ECM2: variants seen among roughly 807,000 people sequenced by gnomAD.
ECM2 encodes the protein extracellular matrix protein 2, also known as extracellular matrix protein 2, female organ and adipocyte specific.
Under a neutral mutation model 67.5 loss-of-function variants are expected in ECM2, and 57 were observed. The observed-to-expected ratio is 0.84, with a 90% confidence interval of 0.68 to 1.05. The LOEUF is 1.05. ECM2 is among the 50% of genes least tolerant of loss of function. The pLI is 0.00. For missense variants in ECM2, 741 were observed against 822.8 expected (o/e 0.90, Z 1.22); for synonymous variants, 258 against 294.5 (o/e 0.88, Z 1.27).
upstream of ECM2, among the ~76,000 whole-genome samples, chr9:92,537,237 T>C (rs1420141897): frequency 6.6e-6 from 1 of 152,150 alleles, no homozygotes; most frequent in Admixed American, 6.5e-5. Flanking sequence ...GCTAAATATT[T>C]GTTTAAATGA....
downstream of ECM2, chr9:92,494,236 A>C: frequency 7.1e-7 from 1 of 1,417,150 alleles, no homozygotes; most frequent in Non-Finnish European, 9.7e-7. Context: ...CTGCTGACTC[A>C]CCTTATTCAG....
upstream of ECM2, chr9:92,536,211 G>C (rs1849154910): frequency 2.9e-6 from 1 of 346,490 alleles, no homozygotes; most frequent in African/African-American, 2.3e-5. Context: ...AACAGCAGTG[G>C]GTGTGGGGGA....
chr9:92,520,602 C>G (rs888674614), intron 2 of ECM2, among the ~76,000 whole-genome samples: 2 of 152,142 alleles, frequency 1.3e-5, no homozygotes, highest in Non-Finnish European at 2.9e-5. Context: ...CAGTTCCCCT[C>G]CTAAGTATAT....
chr9:92,554,731 G>A, the ECM2 span, among the ~76,000 whole-genome samples: 7 of 152,014 alleles, frequency 4.6e-5, no homozygotes, highest in East Asian at 1.9e-4. Flanking sequence ...TCCGCTGCCC[G>A]GCTTCAAGCA....
intron 2 of ECM2, among the ~76,000 whole-genome samples, chr9:92,519,092 C>G (rs959597339): frequency 1.3e-5 from 2 of 152,132 alleles, no homozygotes; most frequent in African/African-American, 4.8e-5. Context: ...CCAAGTTCCA[C>G]CCCCAAATGA....
chr9:92,537,488 C>T (rs981681267), upstream of ECM2, among the ~76,000 whole-genome samples: 31 of 151,912 alleles, frequency 2.0e-4, no homozygotes, highest in Non-Finnish European at 4.6e-4. Flanking sequence ...TGTGAAACCC[C>T]GTCTCTACTA....
chr9:92,548,032 A>G, the ECM2 span, among the ~76,000 whole-genome samples: 1 of 152,264 alleles, frequency 6.6e-6, no homozygotes, highest in Non-Finnish European at 1.5e-5. Context: ...TAAAAAATCC[A>G]AAAGAATTTT....
At chr9:92,552,090 A>T in the ECM2 span, among the ~76,000 whole-genome samples, 22,859 of 127,034 alleles carry the variant, frequency 0.18, 3,703 homozygotes, top group East Asian at 0.68. Flanking sequence ...CATATATGTG[A>T]TATGATAGAT....
chr9:92,548,358 C>T, the ECM2 span, among the ~76,000 whole-genome samples: 2 of 152,136 alleles, frequency 1.3e-5, no homozygotes, highest in Non-Finnish European at 2.9e-5. Context: ...TAAGACAAAA[C>T]CATTATTTCA....
At chr9:92,514,301 G>A (rs1391407935) in intron 4 of ECM2, among the ~76,000 whole-genome samples, 1 of 146,344 alleles carries the variant, frequency 6.8e-6, no homozygotes. Context: ...TTGAGATGGA[G>A]TCTCGCTCAA....
At chr9:92,521,959 A>G (rs759804339) in intron 2 of ECM2, among the ~76,000 whole-genome samples, 3 of 152,260 alleles carry the variant, frequency 2.0e-5, no homozygotes, top group African/African-American at 4.8e-5. Flanking sequence ...CATACTGGAA[A>G]GAAACCAAAA....
Position 92,522,636 on chromosome 9 carries a change from C to T in ECM2, c.231G>A (p.Glu77=), listed in dbSNP as rs1307741417. Residue 77 remains glutamate, a synonymous_variant, in exon 2 of 10, where the codon GAG becomes GAA. Transcript: ENST00000344604. ...LPIVNFDYSM[E]EKFESFSSFP... Reference sequence around the variant, plus strand: ...AACTTGAAAAGGATTCAAACTTTTCCTCCATGCTATAATCAAAGTTAACAA... The same window carrying T: ...AACTTGAAAAGGATTCAAACTTTTCTTCCATGCTATAATCAAAGTTAACAA... 1.9e-6 allele frequency: 3 copies of T among 1,613,850 alleles called. No individual in the cohort carries two copies. The highest frequency in any genetic ancestry group is 2.2e-5 in the South Asian group (2 of 91,020).
At chr9:92,533,283 G>C (rs1480234364) in intron 1 of ECM2, among the ~76,000 whole-genome samples, 2 of 115,592 alleles carry the variant, frequency 1.7e-5, no homozygotes, top group African/African-American at 6.8e-5. Context: ...CTGGGCGATA[G>C]AGTGAGACTC....
intron 5 of ECM2, 32 bp from the exon 6 acceptor site, chr9:92,510,066 A>G: frequency 6.3e-7 from 1 of 1,580,716 alleles, no homozygotes. Flanking sequence ...TTACTTTTTT[A>G]TCTAGTCACA....
intron 5 of ECM2, among the ~76,000 whole-genome samples, chr9:92,511,193 T>A (rs1482321336): frequency 1.3e-5 from 2 of 152,154 alleles, no homozygotes; most frequent in East Asian, 3.9e-4. Context: ...TGGCGCGATC[T>A]CGGCTCACTG....
the ECM2 span, among the ~76,000 whole-genome samples, chr9:92,558,686 G>A: frequency 1.3e-5 from 2 of 152,192 alleles, no homozygotes; most frequent in African/African-American, 4.8e-5. Context: ...AGCAGTAGGC[G>A]GGGTCCTAGA....
the ECM2 span, among the ~76,000 whole-genome samples, chr9:92,546,071 C>A: frequency 1.3e-5 from 2 of 151,966 alleles, no homozygotes; most frequent in Non-Finnish European, 2.9e-5. Context: ...CCAATCAGCA[C>A]CCTGTGTCTA....
intron 3 of ECM2, chr9:92,517,301 T>C: frequency 3.7e-6 from 1 of 273,542 alleles, no homozygotes; most frequent in Non-Finnish European, 6.9e-6. Flanking sequence ...TACCCTGGCT[T>C]CAAGATGATA....
chr9:92,544,223 C>A, the ECM2 span, among the ~76,000 whole-genome samples: 3 of 152,242 alleles, frequency 2.0e-5, no homozygotes, highest in Admixed American at 6.5e-5. Context: ...CGCCTATAAT[C>A]CCAGCACTTT....
Sources: gnomAD v4.1 joint callset for allele counts (sites outside exome capture counted in the v4.1 genomes callset) on GRCh38, gnomAD v4.1.1 for gene constraint, MANE v1.5 for transcripts, NCBI Gene and HGNC (gene_info 2026-07-23, HGNC 2026-07-21) for gene names.